TAF1B: variants seen among roughly 807,000 people sequenced by gnomAD.
TAF1B encodes the protein TATA box-binding protein-associated factor RNA polymerase I subunit B.
A neutral mutation model predicts 83.9 loss-of-function variants in TAF1B; 61 were observed. That is an observed-to-expected ratio of 0.73 (90% CI 0.59 to 0.90). The LOEUF is 0.90. Among genes scored for constraint, TAF1B ranks in the 40% least tolerant of loss-of-function variants. The probability of loss-of-function intolerance (pLI) is 0.00; values close to 1 mark genes in which losing one functional copy is unlikely to be tolerated. For synonymous variants in TAF1B, 221 were observed against 224.6 expected (o/e 0.98, Z 0.14); for missense variants, 625 against 677.0 (o/e 0.92, Z 0.85).
At position 9,868,417 on chromosome 2, in the gene TAF1B, G is replaced by A. The variant is rs764011033; in HGVS notation, c.541G>A (p.Ala181Thr). ...TCGAAAACCTTTCCCCGTCAGCAAA[G>A]CATCACAATCAGGTAAAAATGAGAA... ...HTRKPFPVSK[A>T]SQSETSVCSG... The change falls in exon 6 of 15, where the codon GCA (alanine) becomes ACA (threonine). Residue 181 changes from alanine to threonine, a missense_variant. Transcript: ENST00000263663. The A allele has an allele frequency of 1.2e-6, 2 of 1,611,780 alleles. No individual in the cohort carries two copies. The highest frequency in any genetic ancestry group is 2.2e-5 in the East Asian group (1 of 44,826).
chr2:9,913,311 T>A (rs1195162154), intron 12 of TAF1B, 62 bp downstream of exon 12: 1 of 1,380,830 alleles, frequency 7.2e-7, no homozygotes. Flanking sequence ...ACTTTACATT[T>A]GAAAGCTGAA....
At chr2:9,883,168 A>G (rs953797571) in intron 8 of TAF1B, among the ~76,000 whole-genome samples, 1 of 152,348 alleles carries the variant, frequency 6.6e-6, no homozygotes. Context: ...TATGGAAGAA[A>G]GAGAAGAAAG....
At chr2:9,873,182 C>T (rs1478763158) in intron 6 of TAF1B, among the ~76,000 whole-genome samples, 2 of 152,148 alleles carry the variant, frequency 1.3e-5, no homozygotes, top group Non-Finnish European at 2.9e-5. Flanking sequence ...CTGTTCTGGG[C>T]ACTGGGACAT....
chr2:9,911,734 G>A (rs1193900652), intron 11 of TAF1B, among the ~76,000 whole-genome samples, 177 bp downstream of exon 11: 4 of 151,954 alleles, frequency 2.6e-5, no homozygotes, highest in Admixed American at 2.0e-4. Context: ...TATCTCTAGG[G>A]TACTAAAAAA....
At chr2:9,924,628 T>A (rs1665980773) in intron 14 of TAF1B, among the ~76,000 whole-genome samples, 1 of 152,222 alleles carries the variant, frequency 6.6e-6, no homozygotes, top group African/African-American at 2.4e-5. Context: ...AACAGGCAAC[T>A]GTAATAATAT....
chr2:9,856,146 G>C (rs1218603201), intron 5 of TAF1B, among the ~76,000 whole-genome samples: 2 of 152,168 alleles, frequency 1.3e-5, no homozygotes, highest in African/African-American at 2.4e-5. Flanking sequence ...GTAGGTTACA[G>C]AGATGAGCAA....
rs140431230 is a variant in TAF1B at position 9,882,764 on chromosome 2, A to G, written c.766A>G (p.Met256Val). Residue 256 changes from methionine to valine, a missense_variant, in exon 8 of 15, where the codon ATG (methionine) becomes GTG (valine). By Grantham distance (21) the Met-to-Val change is conservative. Coordinates refer to ENST00000263663, the MANE Select transcript of TAF1B (RefSeq NM_005680.3). ...INAFQHFPEQ[M>V]KLYGRDRGIF... The stretch of plus-strand genomic sequence containing the variant: ...TGCTTTTCAGCATTTTCCAGAACAG[A>G]TGAAATTATATGGACGTGACAGAGG... 1.7e-4 allele frequency: 280 copies of G among 1,611,760 alleles called. No homozygotes were observed. The highest frequency in any genetic ancestry group is 5.6e-4 in the East Asian group (25 of 44,692).
At chr2:9,886,408 C>T (rs1664675268) in intron 8 of TAF1B, among the ~76,000 whole-genome samples, 1 of 152,130 alleles carries the variant, frequency 6.6e-6, no homozygotes, top group Non-Finnish European at 1.5e-5. Flanking sequence ...GATAATGTAT[C>T]TTGTTTCTCA....
At chr2:9,889,948 G>A (rs1406797420) in intron 8 of TAF1B, among the ~76,000 whole-genome samples, 1 of 151,934 alleles carries the variant, frequency 6.6e-6, no homozygotes, top group Non-Finnish European at 1.5e-5. Flanking sequence ...TTTTTCCCTG[G>A]CCTCAGATAT....
chr2:9,857,743 C>T (rs539679255), intron 5 of TAF1B, among the ~76,000 whole-genome samples: 13 of 152,200 alleles, frequency 8.5e-5, no homozygotes, highest in South Asian at 6.2e-4. Flanking sequence ...AGAGAGAGTG[C>T]GTGCGTGTGA....
At chr2:9,915,414 G>T (rs1665652934) in intron 12 of TAF1B, among the ~76,000 whole-genome samples, 1 of 152,102 alleles carries the variant, frequency 6.6e-6, no homozygotes, top group African/African-American at 2.4e-5. Context: ...TTAAAGATTT[G>T]TATCTAGAGT....
intron 8 of TAF1B, among the ~76,000 whole-genome samples, chr2:9,901,312 A>G (rs1558257925): frequency 6.6e-6 from 1 of 152,242 alleles, no homozygotes; most frequent in Non-Finnish European, 1.5e-5. Context: ...TGAGACTAGC[A>G]GAATCTGGAA....
intron 8 of TAF1B, among the ~76,000 whole-genome samples, chr2:9,898,299 T>C (rs1665078797): frequency 6.6e-6 from 1 of 152,072 alleles, no homozygotes; most frequent in South Asian, 2.1e-4. Flanking sequence ...TAAGAAGATG[T>C]TTTTCGTAAG....
intron 5 of TAF1B, among the ~76,000 whole-genome samples, chr2:9,854,979 A>G (rs1322279565): frequency 6.7e-6 from 1 of 149,928 alleles, no homozygotes; most frequent in Non-Finnish European, 1.5e-5. Context: ...CAAGTTTGAT[A>G]ATTTTTTTTG....
At chr2:9,930,334 A>G (rs940863678) in intron 14 of TAF1B, among the ~76,000 whole-genome samples, 1 of 152,114 alleles carries the variant, frequency 6.6e-6, no homozygotes, top group Non-Finnish European at 1.5e-5. Context: ...ACTTCCCTCT[A>G]CACACTGCTT....
At chr2:9,909,830 C>T (rs545909022) in intron 9 of TAF1B, among the ~76,000 whole-genome samples, 30 of 152,290 alleles carry the variant, frequency 2.0e-4, no homozygotes, top group South Asian at 1.5e-3. Flanking sequence ...AACATGTCCA[C>T]GGTCACAGAG....
intron 8 of TAF1B, among the ~76,000 whole-genome samples, chr2:9,888,482 G>A (rs543706454): frequency 6.6e-6 from 1 of 152,108 alleles, no homozygotes; most frequent in African/African-American, 2.4e-5. Context: ...TGCTGGCAGT[G>A]AATTATTGTT....
At chr2:9,871,110 T>C (rs1664154364) in intron 6 of TAF1B, among the ~76,000 whole-genome samples, 1 of 151,986 alleles carries the variant, frequency 6.6e-6, no homozygotes, top group Non-Finnish European at 1.5e-5. Flanking sequence ...GATGGTGTCT[T>C]GCTCTGTTGC....
intron 3 of TAF1B, among the ~76,000 whole-genome samples, chr2:9,850,683 A>G (rs1663356439): frequency 6.6e-6 from 1 of 152,174 alleles, no homozygotes; most frequent in Admixed American, 6.5e-5. Context: ...ACTGATAACA[A>G]GCTTTTGGAA....
Sources: gnomAD v4.1 joint callset for allele counts (sites outside exome capture counted in the v4.1 genomes callset) on GRCh38, gnomAD v4.1.1 for gene constraint, MANE v1.5 for transcripts, NCBI Gene and HGNC (gene_info 2026-07-23, HGNC 2026-07-21) for gene names.